ANO3: variants seen among roughly 807,000 people sequenced by gnomAD.
The protein encoded by ANO3 is anoctamin-3.
In ANO3, 99 loss-of-function variants were observed where a neutral mutation model predicts 144.8. The ratio of observed to expected loss-of-function variants is 0.68; its 90% CI spans 0.58 to 0.81. ANO3 has a LOEUF of 0.81. Ranked by LOEUF, ANO3 falls within the 30% of genes least tolerant of loss-of-function variation. ANO3 has a pLI of 0.00. For synonymous variants in ANO3, 414 were observed against 392.6 expected (o/e 1.05, Z -0.64); for missense variants, 905 against 1,202.2 (o/e 0.75, Z 3.66).
chr11:26,536,574 G>A lies in ANO3; in HGVS notation c.977-832G>A, dbSNP rs369503745. On this transcript the variant is annotated intron_variant, in intron 9 of 26. Transcript: ENST00000256737. ...ATGTGTGTGTACATATAAATTAGAC[G>A]TACATATAAATTAGATGTCTTAGCG... 2.0e-4 allele frequency among the ~76,000 whole-genome samples: 30 copies of A among 151,626 alleles called. 1 individual carries two copies. In the East Asian group the frequency reaches 2.1e-3, roughly 11 times the overall value.
At chr11:26,438,610 A>AAAAAAAAAAG (rs1858387115) in intron 1 of ANO3, among the ~76,000 whole-genome samples, 64 of 73,820 alleles carry the variant, frequency 8.7e-4, no homozygotes, top group Non-Finnish European at 1.3e-3. Context: ...AAAAAAAAAG[A>AAAAAAAAAAG]AAAAAAAAAA....
Position 26,489,132 on chromosome 11 carries a change from C to T in ANO3, c.433-18972C>T, listed in dbSNP as rs566628796. 2.4e-4 allele frequency among the ~76,000 whole-genome samples: 36 copies of T among 152,284 alleles called. No homozygotes were observed. The South Asian group carries it at 4.6e-3, about 19-fold the overall frequency. ...GAGGCCCAGGAGGAAAAAGTGGTTT[C>T]GTGGGCTGGCCCAGGGACCCTGTGC... On this transcript the variant is annotated intron_variant, in intron 4 of 26. Coordinates refer to ENST00000256737, the MANE Select transcript of ANO3 (RefSeq NM_031418.4).
At chr11:26,315,681 C>CTATA (rs1564961763) in intron 1 of ANO3, among the ~76,000 whole-genome samples, 4 of 143,716 alleles carry the variant, frequency 2.8e-5, no homozygotes, top group Admixed American at 1.4e-4. Context: ...ATCTATCTAT[C>CTATA]TATCCATCTA....
chr11:26,235,540 A>C (rs1371406925), intron 1 of ANO3, among the ~76,000 whole-genome samples: 1 of 151,612 alleles, frequency 6.6e-6, no homozygotes, highest in African/African-American at 2.4e-5. Context: ...AACACATATT[A>C]CTGTGAAAAA....
intron 1 of ANO3, among the ~76,000 whole-genome samples, chr11:26,258,084 A>G (rs968326468): frequency 2.6e-5 from 4 of 152,156 alleles, no homozygotes; most frequent in Admixed American, 2.0e-4. Context: ...GACTGTTAAT[A>G]ACACAATATT....
intron 3 of ANO3, among the ~76,000 whole-genome samples, chr11:26,445,010 G>A (rs1184947325): frequency 1.3e-5 from 2 of 152,228 alleles, no homozygotes. Context: ...ACTACAAGCT[G>A]AGAAATTTTA....
At chr11:26,551,668 A>C (rs1243311416) in intron 12 of ANO3, among the ~76,000 whole-genome samples, 2 of 152,060 alleles carry the variant, frequency 1.3e-5, no homozygotes, top group African/African-American at 4.8e-5. Flanking sequence ...ATTCTAAAGC[A>C]GGACAAATTG....
At position 26,541,746 on chromosome 11, in the gene ANO3, AT is replaced by A. The variant is rs367725576; in HGVS notation, c.1033-196del. On this transcript the variant is annotated intron_variant, in intron 10 of 26. Transcript: ENST00000256737. The stretch of plus-strand genomic sequence containing the variant: ...TATTTTTTAAGTAATTTAATAAAAG[AT>A]TTTTAATAACTATCGGACTATTTTT... 1.5e-4 allele frequency among the ~76,000 whole-genome samples: 23 copies of A among 152,286 alleles called. No individual in the cohort carries two copies. In the East Asian group the frequency reaches 2.3e-3, roughly 15 times the overall value.
At chr11:26,249,182 G>A (rs752970035) in intron 1 of ANO3, among the ~76,000 whole-genome samples, 1 of 152,142 alleles carries the variant, frequency 6.6e-6, no homozygotes, top group African/African-American at 2.4e-5. Flanking sequence ...TGCCGTTGGG[G>A]TATATGGATA....
chr11:26,411,748 C>T (rs772779779), intron 1 of ANO3, among the ~76,000 whole-genome samples: 52 of 151,050 alleles, frequency 3.4e-4, no homozygotes, highest in Admixed American at 1.1e-3. Flanking sequence ...TTGCCTTTCT[C>T]GTGTTCTTCA....
Position 26,599,015 on chromosome 11 carries a change from G to A in ANO3, c.1671+17G>A, listed in dbSNP as rs775957390. On this transcript the variant is annotated intron_variant, in intron 16 of 26. Coordinates refer to ENST00000256737, the MANE Select transcript of ANO3 (RefSeq NM_031418.4). ...TTCTTCATGGTAAAGTATAGGCATC[G>A]ATATCAAAATGTTTTGGGATTCTAA... 3.5e-5 allele frequency: 56 copies of A among 1,609,342 alleles called. No homozygotes were observed. The highest frequency in any genetic ancestry group is 1.9e-4 in the Admixed American group (11 of 58,628).
intron 26 of ANO3, among the ~76,000 whole-genome samples, chr11:26,659,211 T>A (rs1853801004): frequency 6.6e-6 from 1 of 151,994 alleles, no homozygotes; most frequent in Non-Finnish European, 1.5e-5. Context: ...TAAGAAGTAC[T>A]ACTATTATCA....
chr11:26,385,758 A>G (rs1171336925), intron 1 of ANO3, among the ~76,000 whole-genome samples: 2 of 143,458 alleles, frequency 1.4e-5, no homozygotes, highest in Middle Eastern at 3.3e-3. Context: ...GAGAAGGGGG[A>G]ATATTAAACT....
chr11:26,206,719 G>A (rs1337782438), intron 1 of ANO3, among the ~76,000 whole-genome samples: 3 of 152,182 alleles, frequency 2.0e-5, no homozygotes, highest in South Asian at 2.1e-4. Context: ...TATTACTGAA[G>A]TTTTGGCATG....
intron 1 of ANO3, among the ~76,000 whole-genome samples, chr11:26,245,386 C>A (rs921920298): frequency 6.6e-6 from 1 of 152,114 alleles, no homozygotes; most frequent in African/African-American, 2.4e-5. Flanking sequence ...CTTCAGTATC[C>A]TTTGATGATT....
chr11:26,404,929 ATATATGTGTGTGTGTGTGTG>A, intron 1 of ANO3, among the ~76,000 whole-genome samples: 1 of 38,044 alleles, frequency 2.6e-5, no homozygotes, highest in African/African-American at 5.7e-5. Flanking sequence ...AGGAATTTAT[ATATATGTGTGTGTGTGTGTG>A]TGTGTGTGTG....
chr11:26,209,998 C>T (rs965458721), intron 1 of ANO3, among the ~76,000 whole-genome samples: 34 of 152,234 alleles, frequency 2.2e-4, no homozygotes, highest in Admixed American at 9.2e-4. Context: ...AATTAGATAT[C>T]ATTTGTCAAT....
rs908722690 is a variant in ANO3 at position 26,364,579 on chromosome 11, G to T, written c.46+32258G>T. Among the ~76,000 whole-genome samples the T allele has an allele frequency of 3.2e-4, 49 of 152,200 alleles. 1 individual carries two copies. Among genetic ancestry groups the T allele is most frequent in the Non-Finnish European group, 2.9e-5 (2 of 68,032 alleles). ...CCTAAGGGAGCTTTCAATCATAACA[G>T]AAGGCAAAGGGGGATAGTCTCATTA... On this transcript the variant is annotated intron_variant, in intron 1 of 26. Coordinates refer to ENST00000256737, the MANE Select transcript of ANO3 (RefSeq NM_031418.4).
chr11:26,425,922 T>C (rs1857906850), intron 1 of ANO3, among the ~76,000 whole-genome samples: 2 of 152,122 alleles, frequency 1.3e-5, no homozygotes, highest in South Asian at 4.1e-4. Context: ...GCTTTAGAAT[T>C]AGAAAAAGCT....
Sources: allele counts gnomAD v4.1 joint callset (sites outside exome capture counted in the v4.1 genomes callset), GRCh38; gene constraint gnomAD v4.1.1; transcripts MANE v1.5; gene names NCBI Gene and HGNC (gene_info 2026-07-23, HGNC 2026-07-21).